Variants in ZNF610 observed in about 807,000 individuals in gnomAD.
The protein encoded by ZNF610 is zink finger protein.
A neutral mutation model predicts 14.1 loss-of-function variants in ZNF610; 14 were observed. That is an observed-to-expected ratio of 0.99 (90% CI 0.65 to 1.55). The LOEUF is 1.55. Ranked by LOEUF, ZNF610 falls within the 40% of genes most tolerant of loss-of-function variation. ZNF610 has a pLI of 0.00. For synonymous variants in ZNF610, 185 were observed against 187.6 expected (o/e 0.99, Z 0.11); for missense variants, 530 against 558.0 (o/e 0.95, Z 0.51).
chr19:52,366,444 C>T lies in ZNF610; in HGVS notation c.1066C>T (p.Leu356Phe), dbSNP rs919518815. The change falls in exon 6 of 6, where the codon CTT (leucine) becomes TTT (phenylalanine). Residue 356 changes from leucine (L) to phenylalanine (F), a missense_variant. Transcript: ENST00000403906. Reference protein sequence around the residue: ...CNECGKVFSLLSYLARHQIIH... With the variant: ...CNECGKVFSLFSYLARHQIIH... ...TGAATGTGGCAAGGTCTTTAGTCTGCTTTCATACCTTGCACGGCATCAAAT... is the reference window on the plus strand; with the variant it reads ...TGAATGTGGCAAGGTCTTTAGTCTGTTTTCATACCTTGCACGGCATCAAAT... 1.2e-6 allele frequency: 2 copies of T among 1,613,672 alleles called. No homozygotes were observed. The highest frequency in any genetic ancestry group is 2.7e-5 in the African/African-American group (2 of 74,776).
At chr19:52,364,003 T>C (rs1301903309) in intron 5 of ZNF610, among the ~76,000 whole-genome samples, 2 of 152,216 alleles carry the variant, frequency 1.3e-5, no homozygotes, top group Non-Finnish European at 1.5e-5. Context: ...TCATCTCCTC[T>C]GGTGTATGTT....
chr19:52,338,927 C>CGGAGGACCGGCGCT (rs1568644295), intron 1 of ZNF610, among the ~76,000 whole-genome samples: 3 of 149,680 alleles, frequency 2.0e-5, no homozygotes, highest in Admixed American at 6.6e-5. Flanking sequence ...GGACCCGCGC[C>CGGAGGACCGGCGCT]GGCCCGGTCT....
Position 52,365,805 on chromosome 19 carries a change from AG to A in ZNF610, c.429del (p.Ile145PhefsTer80). On this transcript the variant is annotated frameshift_variant, in exon 6 of 6. Transcript: ENST00000403906. LOFTEE classifies it low-confidence loss of function (END_TRUNC). ...TGAATTGCAGCTGTTTCAAGCCGGAAGGAAAATTTACAGAAGTAATCAAGTT... is the reference window on the plus strand; with the variant it reads ...TGAATTGCAGCTGTTTCAAGCCGGAAGAAAATTTACAGAAGTAATCAAGTT... ...LSELQLFQAG[R>X]KIYRSNQVEK... 1 of 1,614,222 alleles carries A rather than the reference AG, an allele frequency of 6.2e-7. No individual in the cohort carries two copies. Among genetic ancestry groups the A allele is most frequent in the Non-Finnish European group, 8.5e-7 (1 of 1,180,048 alleles).
In ZNF610 at chr19:52,353,738, C is replaced by T; in HGVS notation, c.120C>T (p.Ser40=). The part of the protein sequence containing the change: ...AIEFSQEEWK[S]LDPGQRALYR... ...AATTCTCTCAGGAGGAGTGGAAATCCCTGGACCCTGGACAGAGGGCTTTAT... is the reference window on the plus strand; with the variant it reads ...AATTCTCTCAGGAGGAGTGGAAATCTCTGGACCCTGGACAGAGGGCTTTAT... The change falls in exon 4 of 6, where the codon TCC becomes TCT. Residue 40 remains serine (S), a synonymous_variant. Transcript: ENST00000403906. 6.2e-7 allele frequency: 1 copy of T among 1,613,812 alleles called. No homozygotes were observed. The highest frequency in any genetic ancestry group is 2.2e-5 in the East Asian group (1 of 44,850).
At chr19:52,342,726 T>C (rs1205205547) in intron 1 of ZNF610, among the ~76,000 whole-genome samples, 1 of 151,956 alleles carries the variant, frequency 6.6e-6, no homozygotes, top group Non-Finnish European at 1.5e-5. Context: ...GGGGTTTCAC[T>C]GTGTTGGTCA....
At chr19:52,332,556 G>A (rs192443588), upstream of ZNF610, among the ~76,000 whole-genome samples, 846 of 152,274 alleles carry the variant, frequency 5.6e-3, 8 homozygotes, top group Middle Eastern at 0.024. The surrounding 1 kb of genome is among the most constrained non-coding windows in gnomAD (Gnocchi z 4.1). Flanking sequence ...AACAGGAGAA[G>A]GAGGATAAAA....
At chr19:52,334,960 A>ACACACACACACACACAG (rs59969071), upstream of ZNF610, among the ~76,000 whole-genome samples, 5,753 of 136,490 alleles carry the variant, frequency 0.042, 212 homozygotes, top group South Asian at 0.061. Flanking sequence ...CACACACACA[A>ACACACACACACACACAG]TGTAATTTAC....
intron 1 of ZNF610, among the ~76,000 whole-genome samples, chr19:52,338,331 T>C (rs1205677267): frequency 6.6e-6 from 1 of 152,188 alleles, no homozygotes; most frequent in Non-Finnish European, 1.5e-5. Flanking sequence ...CAAACCATAT[T>C]ACAAAGGATA....
chr19:52,349,903 A>G (rs1985168499), intron 3 of ZNF610, among the ~76,000 whole-genome samples: 1 of 152,158 alleles, frequency 6.6e-6, no homozygotes. Flanking sequence ...AGTACCTGGT[A>G]CATTCTGGAA....
chr19:52,365,116 C>T (rs185317144), intron 5 of ZNF610, among the ~76,000 whole-genome samples: 80 of 152,062 alleles, frequency 5.3e-4, no homozygotes, highest in African/African-American at 1.6e-3. Flanking sequence ...AACGTGGTGG[C>T]GTGCGCCTGT....
In ZNF610 at chr19:52,366,364, T is replaced by G. The variant is rs767545417; in HGVS notation, c.986T>G (p.Phe329Cys). The change falls in exon 6 of 6, where the codon TTT becomes TGT. Residue 329 changes from phenylalanine (F) to cysteine (C), a missense_variant. Physicochemically the swap from Phe to Cys is radical, Grantham distance 205. Transcript: ENST00000403906. ...TGTGGCAAGAACTTCAGGCACAAAT[T>G]TTCTCTAACCAATCATCAGAGAAGT... Reference protein sequence around the residue: ...NECGKNFRHKFSLTNHQRSHT... With the variant: ...NECGKNFRHKCSLTNHQRSHT... 5.4e-5 allele frequency: 87 copies of G among 1,613,220 alleles called. No individual in the cohort carries two copies. The highest frequency in any genetic ancestry group is 7.3e-5 in the Non-Finnish European group (86 of 1,179,890).
rs1451579357 is a variant in ZNF610 at position 52,365,914 on chromosome 19, A to T, written c.536A>T (p.Tyr179Phe). The T allele has an allele frequency of 6.2e-7, 1 of 1,612,742 alleles. No individual in the cohort carries two copies. The highest frequency in any genetic ancestry group is 1.3e-5 in the African/African-American group (1 of 74,922). ...SSFTTHIFNK[Y>F]RNDLIDFPLL... The stretch of plus-strand genomic sequence containing the variant: ...TTCACAACACACATTTTTAATAAAT[A>T]TAGAAATGATCTTATTGATTTCCCA... The change falls in exon 6 of 6, where the codon TAT becomes TTT. Residue 179 changes from tyrosine (Y) to phenylalanine (F), a missense_variant. By Grantham distance (22) the Tyr-to-Phe change is conservative. Transcript: ENST00000403906.
chr19:52,335,698 A>G, upstream of ZNF610, among the ~76,000 whole-genome samples: 1 of 152,182 alleles, frequency 6.6e-6, no homozygotes, highest in Non-Finnish European at 1.5e-5. Flanking sequence ...ATGATGATGG[A>G]AAGGGAGAAG....
chr19:52,349,570 C>G (rs1056305615), intron 3 of ZNF610, among the ~76,000 whole-genome samples: 2 of 148,752 alleles, frequency 1.3e-5, no homozygotes, highest in East Asian at 2.0e-4. Flanking sequence ...ATGGAAGTCA[C>G]GTATTTTTTT....
chr19:52,338,929 G>GAGGA (rs1555800695), intron 1 of ZNF610, among the ~76,000 whole-genome samples: 1 of 151,946 alleles, frequency 6.6e-6, no homozygotes, highest in African/African-American at 2.4e-5. Flanking sequence ...ACCCGCGCCG[G>GAGGA]CCCGGTCTCT....
chr19:52,331,016 C>T, the ZNF610 span, among the ~76,000 whole-genome samples: 2 of 152,186 alleles, frequency 1.3e-5, no homozygotes, highest in Admixed American at 6.5e-5. Context: ...AGACACTCCA[C>T]CTCCAAGGAG....
At chr19:52,353,001 C>T (rs1368308168) in intron 3 of ZNF610, among the ~76,000 whole-genome samples, 2 of 151,758 alleles carry the variant, frequency 1.3e-5, no homozygotes, top group African/African-American at 4.8e-5. Flanking sequence ...TGCAGTGGTG[C>T]GATCTCGGCT....
At chr19:52,353,480 C>A (rs79535781) in intron 3 of ZNF610, among the ~76,000 whole-genome samples, 10,331 of 152,204 alleles carry the variant, frequency 0.068, 457 homozygotes, top group South Asian at 0.1. Flanking sequence ...TCTTTCTGGG[C>A]AACCTAGTAA....
chr19:52,356,353 C>T (rs942381368), intron 5 of ZNF610, among the ~76,000 whole-genome samples: 2 of 152,184 alleles, frequency 1.3e-5, no homozygotes, highest in Admixed American at 1.3e-4. Context: ...AAAATAGCAA[C>T]CAGATGCTTC....
Sources: gnomAD v4.1 joint callset for allele counts (sites outside exome capture counted in the v4.1 genomes callset) on GRCh38, gnomAD v4.1.1 for gene constraint, Gnocchi (gnomAD v3.1) non-coding constraint, MANE v1.5 for transcripts, NCBI Gene and HGNC (gene_info 2026-07-23, HGNC 2026-07-21) for gene names.